The following KIF2C variants were observed in gnomAD, a reference collection of about 807,000 sequenced individuals.
The protein encoded by KIF2C is kinesin family member 2C.
Under a neutral mutation model 97.4 loss-of-function variants are expected in KIF2C, and 34 were observed. The ratio of observed to expected loss-of-function variants is 0.35; its 90% confidence interval spans 0.27 to 0.46. The LOEUF (loss-of-function observed/expected upper bound fraction) is 0.46, where lower values mean the gene tolerates loss of function less well. Ranked by LOEUF, KIF2C falls within the 20% of genes least tolerant of loss-of-function variation. KIF2C has a pLI of 1.00. For missense variants in KIF2C, 750 were observed against 907.6 expected (o/e 0.83, Z 2.23); for synonymous variants, 313 against 318.2 (o/e 0.98, Z 0.17).
chr1:44,755,871 C>T (rs1649799735), intron 8 of KIF2C, 58 bp from the exon 9 acceptor site: 6 of 1,558,446 alleles, frequency 3.8e-6, no homozygotes, highest in Admixed American at 1.7e-5. Flanking sequence ...TGGACAAGCT[C>T]GCTTTTGAAA....
At chr1:44,759,129 A>G in intron 13 of KIF2C, 77 bp from the exon 14 acceptor site, 1 of 1,581,214 alleles carries the variant, frequency 6.3e-7, no homozygotes, top group East Asian at 2.2e-5. Context: ...CGAGCTGGGC[A>G]GGCTAGTAGG....
rs1408815720 is a variant in KIF2C at position 44,761,941 on chromosome 1, G to A, written c.1709G>A (p.Ser570Asn). ...CMIATISPGI[S>N]SCEYTLNTLR... ...ATTGCCACGATCTCACCAGGCATAA[G>A]CTCCTGTGAATATACTTTAAACACC... Residue 570 changes from serine to asparagine, a missense_variant, in exon 17 of 21, where the codon AGC becomes AAC. Transcript: ENST00000372224. The A allele has an allele frequency of 1.5e-5, 24 of 1,614,012 alleles. No individual in the cohort carries two copies. Among genetic ancestry groups the A allele is most frequent in the Non-Finnish European group, 1.9e-5 (23 of 1,179,996 alleles).
At chr1:44,745,697 C>G (rs539724712) in intron 2 of KIF2C, among the ~76,000 whole-genome samples, 1 of 151,128 alleles carries the variant, frequency 6.6e-6, no homozygotes, top group African/African-American at 2.4e-5. Flanking sequence ...CTTGAACTCC[C>G]GACCTCAGGT....
intron 19 of KIF2C, among the ~76,000 whole-genome samples, chr1:44,763,690 T>A (rs1344046317): frequency 2.0e-5 from 3 of 151,946 alleles, no homozygotes; most frequent in Non-Finnish European, 2.9e-5. Context: ...TTTGGGGGCT[T>A]GAGAAAAGCA....
In KIF2C at chr1:44,754,790, T is replaced by G. The variant is rs1250905075; in HGVS notation, c.704T>G (p.Met235Arg). The change falls in exon 8 of 21, where the codon ATG (methionine) becomes AGG (arginine). Residue 235 changes from methionine (M) to arginine (R), a missense_variant. Physicochemically the swap from Met to Arg is moderately conservative, Grantham distance 91. Coordinates refer to ENST00000372224, the MANE Select transcript of KIF2C (RefSeq NM_006845.4). ...TTTCCAAACTGGGAATTTGCCCGAA[T>G]GATTAAAGAATTTCGGGCTACTTTG... ...SSFPNWEFAR[M>R]IKEFRATLEC... 2.5e-6 allele frequency: 4 copies of G among 1,613,692 alleles called. No individual in the cohort carries two copies. The South Asian group carries it at 4.4e-5, about 18-fold the overall frequency.
At chr1:44,764,521 T>TGG (rs202129535) in intron 19 of KIF2C, among the ~76,000 whole-genome samples, 2 of 148,720 alleles carry the variant, frequency 1.3e-5, no homozygotes, top group African/African-American at 5.0e-5. Context: ...TTGTTTGTTT[T>TGG]GGGGGGGGAT....
chr1:44,750,583 C>T lies in KIF2C; in HGVS notation c.439+19C>T, dbSNP rs369215339. ...GTTCCTCGTGAGTAACGAATGTGCC[C>T]CCAACCACCATGTTTGAGGCCCTGG... On this transcript the variant is annotated intron_variant, in intron 5 of 20. Coordinates refer to ENST00000372224, the MANE Select transcript of KIF2C (RefSeq NM_006845.4). 151 of 1,508,382 alleles carry T rather than the reference C, an allele frequency of 1.0e-4. No individual in the cohort carries two copies. The highest frequency in any genetic ancestry group is 1.3e-4 in the Non-Finnish European group (147 of 1,119,192). 93.4% of individuals were successfully genotyped at this position (1,508,382 alleles called of 1,614,324 possible). A position where few individuals can be genotyped will look rare whatever the true frequency, so the allele number is the denominator to read the frequency against.
intron 19 of KIF2C, among the ~76,000 whole-genome samples, chr1:44,765,166 G>A (rs1331463700): frequency 6.6e-6 from 1 of 152,142 alleles, no homozygotes; most frequent in African/African-American, 2.4e-5. Context: ...AGTCATGCCT[G>A]TAATCCCAAC....
chr1:44,757,059 G>A (rs1573568392), intron 10 of KIF2C, among the ~76,000 whole-genome samples: 2 of 150,688 alleles, frequency 1.3e-5, no homozygotes, highest in South Asian at 2.1e-4. Context: ...CTGGGATTAC[G>A]GGCACGTGCC....
intron 8 of KIF2C, 33 bp from the exon 9 acceptor site, chr1:44,755,896 T>G: frequency 6.2e-7 from 1 of 1,610,368 alleles, no homozygotes; most frequent in Non-Finnish European, 8.5e-7. Context: ...TCTGACCCTT[T>G]GCTGTTGGTT....
chr1:44,739,903 G>T lies in KIF2C; in HGVS notation c.-30G>T. On this transcript the variant is annotated 5_prime_UTR_variant, in exon 1 of 21. Coordinates refer to ENST00000372224, the MANE Select transcript of KIF2C (RefSeq NM_006845.4). ...AGCGAAATTGAGGTTTCTTGGTATT[G>T]CGCGTTTCTCTTCCTTGCTGACTCT... 6.3e-7 allele frequency: 1 copy of T among 1,597,484 alleles called. No homozygotes were observed. The highest frequency in any genetic ancestry group is 8.6e-7 in the Non-Finnish European group (1 of 1,164,844).
intron 2 of KIF2C, 108 bp downstream of exon 2, chr1:44,741,115 A>G (rs1257655749): frequency 8.7e-6 from 7 of 805,128 alleles, no homozygotes; most frequent in Admixed American, 4.8e-5. Context: ...TGCTCTTCTC[A>G]CTCACGCCTG....
At chr1:44,744,414 C>T (rs1309600915) in intron 2 of KIF2C, among the ~76,000 whole-genome samples, 2 of 152,170 alleles carry the variant, frequency 1.3e-5, no homozygotes, top group Non-Finnish European at 2.9e-5. Context: ...GGCTCAAGCT[C>T]TGATTCTAAT....
intron 10 of KIF2C, 50 bp from the exon 11 acceptor site, chr1:44,757,506 C>A: frequency 1.6e-6 from 2 of 1,215,872 alleles, no homozygotes; most frequent in South Asian, 1.2e-5. Context: ...AGGACATGTT[C>A]CAGGGAGCAC....
chr1:44,753,398 G>T (rs1261398200), intron 6 of KIF2C, 144 bp downstream of exon 6: 1 of 933,826 alleles, frequency 1.1e-6, no homozygotes, highest in Non-Finnish European at 1.5e-6. Flanking sequence ...CATGGAATCA[G>T]TCTTTCATTA....
chr1:44,740,803 G>GT, intron 1 of KIF2C, 110 bp from the exon 2 acceptor site: 1 of 323,040 alleles, frequency 3.1e-6, no homozygotes, highest in Non-Finnish European at 6.0e-6. Flanking sequence ...TTTTTTTAAG[G>GT]TAGCTGCCTG....
rs561134174 is a variant in KIF2C at position 44,754,041 on chromosome 1, A to G, written c.663+208A>G. Among the ~76,000 whole-genome samples, 4 of 119,058 alleles carry G rather than the reference A, an allele frequency of 3.4e-5. No homozygotes were observed. In the East Asian group the frequency reaches 1.0e-3, roughly 30 times the overall value. 78.1% of individuals were successfully genotyped at this position (119,058 alleles called of 152,430 possible). Reference sequence around the variant, plus strand: ...GTGATCTCGGCTCACTGCAACCTCCACCTCTGGGTTCAAGTGATTCTTGGG... The same window carrying G: ...GTGATCTCGGCTCACTGCAACCTCCGCCTCTGGGTTCAAGTGATTCTTGGG... On this transcript the variant is annotated intron_variant, in intron 7 of 20. Coordinates refer to ENST00000372224, the MANE Select transcript of KIF2C (RefSeq NM_006845.4).
chr1:44,761,552 G>T (rs762170252), intron 16 of KIF2C, among the ~76,000 whole-genome samples: 2 of 151,682 alleles, frequency 1.3e-5, no homozygotes, highest in African/African-American at 4.8e-5. Context: ...AGCTTGCAGT[G>T]AGCTGAGATC....
At chr1:44,751,475 C>A (rs531071536) in intron 5 of KIF2C, among the ~76,000 whole-genome samples, 2 of 149,314 alleles carry the variant, frequency 1.3e-5, no homozygotes, top group Non-Finnish European at 3.0e-5. Context: ...GGATTACAGG[C>A]GTGAGCCACC....
Sources: gnomAD v4.1 joint callset for allele counts (sites outside exome capture counted in the v4.1 genomes callset) on GRCh38, gnomAD v4.1.1 for gene constraint, MANE v1.5 for transcripts, NCBI Gene and HGNC (gene_info 2026-07-23, HGNC 2026-07-21) for gene names.